The following TMTC2 variants were observed in gnomAD, a reference collection of about 807,000 sequenced individuals.
TMTC2 encodes the protein transmembrane O-mannosyltransferase targeting cadherins 2, also known as protein O-mannosyl-transferase TMTC2.
In TMTC2, 43 loss-of-function variants were observed where a neutral mutation model predicts 82.4. The ratio of observed to expected loss-of-function variants is 0.52; its 90% CI spans 0.41 to 0.67. The LOEUF is 0.67. TMTC2 is among the 30% of genes least tolerant of loss of function. The pLI, the probability that TMTC2 is intolerant of heterozygous loss-of-function variation, is 0.00. For missense variants in TMTC2, 919 were observed against 1,012.4 expected, an observed-to-expected ratio of 0.91 and a Z score of 1.25; for synonymous variants, 408 against 381.9, an observed-to-expected ratio of 1.07 and a Z score of -0.80.
At chr12:82,735,352 T>TC (rs1434719707) in intron 1 of TMTC2, among the ~76,000 whole-genome samples, 2 of 150,830 alleles carry the variant, frequency 1.3e-5, no homozygotes, top group African/African-American at 2.4e-5. Flanking sequence ...AATTTTGATT[T>TC]TTTTTTTTTT....
Position 82,965,687 on chromosome 12 carries a change from T to C in TMTC2, c.1812T>C (p.Ser604=). ...AGGACCCTCATGCACACAAGAGCTC[T>C]GTTACCAGTTGTTTGTACAACCTAG... ...NLKDPHAHKS[S]VTSCLYNLGK... Residue 604 remains serine, a synonymous_variant, in exon 6 of 12, where the codon TCT becomes TCC. Transcript: ENST00000321196. 6.2e-7 allele frequency: 1 copy of C among 1,613,852 alleles called. No homozygotes were observed. Among genetic ancestry groups the C allele is most frequent in the Non-Finnish European group, 8.5e-7 (1 of 1,179,816 alleles).
At chr12:83,002,631 T>A (rs1379571477) in intron 8 of TMTC2, among the ~76,000 whole-genome samples, 2 of 152,166 alleles carry the variant, frequency 1.3e-5, no homozygotes, top group Non-Finnish European at 2.9e-5. Context: ...TTCAATTTTT[T>A]ATTTCTGTCT....
intron 1 of TMTC2, among the ~76,000 whole-genome samples, chr12:82,793,871 C>A (rs1878580196): frequency 6.6e-6 from 1 of 152,144 alleles, no homozygotes; most frequent in Admixed American, 6.5e-5. Context: ...ACCTCTGAAC[C>A]AATTAGCATA....
chr12:82,822,276 A>G (rs1202794727), intron 1 of TMTC2, among the ~76,000 whole-genome samples: 2 of 152,160 alleles, frequency 1.3e-5, no homozygotes, highest in Non-Finnish European at 2.9e-5. Context: ...ACGAAGAATG[A>G]ACTGTAAGGT....
At chr12:82,744,721 C>T (rs1875597319) in intron 1 of TMTC2, among the ~76,000 whole-genome samples, 1 of 152,028 alleles carries the variant, frequency 6.6e-6, no homozygotes, top group Admixed American at 6.6e-5. Context: ...GATTTCTTTG[C>T]ATGGAATTAT....
In TMTC2 at chr12:82,866,288, C is replaced by G. The variant is rs376964022; in HGVS notation, c.654+8708C>G. On this transcript the variant is annotated intron_variant, in intron 2 of 11. Coordinates refer to ENST00000321196, the MANE Select transcript of TMTC2 (RefSeq NM_152588.3). ...ACAAAAAACTTTCTTTCTCCTGTGT[C>G]CCTTCTCCCAACCTTGATGAACAAT... Among the ~76,000 whole-genome samples, 9 of 150,846 alleles carry G rather than the reference C, an allele frequency of 6.0e-5. No homozygotes were observed. In the East Asian group the frequency reaches 1.4e-3, roughly 23 times the overall value.
At chr12:82,976,982 G>A (rs1418632761) in intron 7 of TMTC2, among the ~76,000 whole-genome samples, 1 of 151,922 alleles carries the variant, frequency 6.6e-6, no homozygotes, top group Non-Finnish European at 1.5e-5. Context: ...AAGCTTTCTG[G>A]ACTTAGGTTG....
At chr12:82,879,530 T>G (rs1210827216) in intron 2 of TMTC2, among the ~76,000 whole-genome samples, 1 of 152,204 alleles carries the variant, frequency 6.6e-6, no homozygotes, top group African/African-American at 2.4e-5. Flanking sequence ...CCTCCTGCTG[T>G]GTGGCTCAGT....
chr12:83,027,135 A>T (rs980276955), intron 8 of TMTC2, among the ~76,000 whole-genome samples: 1 of 152,110 alleles, frequency 6.6e-6, no homozygotes, highest in Non-Finnish European at 1.5e-5. Flanking sequence ...AGACATGTCA[A>T]CCAGTAAACA....
chr12:82,884,521 A>G (rs1872991453), intron 2 of TMTC2, among the ~76,000 whole-genome samples: 1 of 152,174 alleles, frequency 6.6e-6, no homozygotes, highest in African/African-American at 2.4e-5. Flanking sequence ...TTTCTTTGCT[A>G]GCAGTTTTCA....
intron 1 of TMTC2, among the ~76,000 whole-genome samples, chr12:82,842,710 C>G (rs1000320739): frequency 6.6e-6 from 1 of 152,128 alleles, no homozygotes; most frequent in Non-Finnish European, 1.5e-5. Flanking sequence ...ATGGTGTCAG[C>G]AGGTTTGGTT....
chr12:82,876,048 G>GTATTCATAA (rs1214359820), intron 2 of TMTC2, among the ~76,000 whole-genome samples: 2 of 119,640 alleles, frequency 1.7e-5, no homozygotes, highest in African/African-American at 3.7e-5. Context: ...GGTGGTGGTG[G>GTATTCATAA]TGGTGGTGGT....
In TMTC2 at chr12:82,687,045, GGA is replaced by G. The variant is rs1872336805; in HGVS notation, c.-540_-539del. On this transcript the variant is annotated 5_prime_UTR_variant, in exon 1 of 12. The change abolishes the stop of an existing upstream ORF in the 5' untranslated region. Coordinates refer to ENST00000321196, the MANE Select transcript of TMTC2 (RefSeq NM_152588.3). Reference sequence around the variant, plus strand: ...ATGTGCAGCAGCTGCCTTGGCGGCCGGAGTCCGCCCGAGCGACACCGGAGCAG... The same window carrying G: ...ATGTGCAGCAGCTGCCTTGGCGGCCGGTCCGCCCGAGCGACACCGGAGCAG... The G allele has an allele frequency of 6.2e-6, 1 of 160,904 alleles. No individual in the cohort carries two copies. Among genetic ancestry groups the G allele is most frequent in the Non-Finnish European group, 1.4e-5 (1 of 72,636 alleles). 10.0% of individuals were successfully genotyped at this position (160,904 alleles called of 1,614,324 possible).
chr12:82,730,252 G>T (rs6539683), intron 1 of TMTC2, among the ~76,000 whole-genome samples: 4 of 143,184 alleles, frequency 2.8e-5, no homozygotes, highest in Non-Finnish European at 4.5e-5. Flanking sequence ...CCAAGATTGC[G>T]CTACTGCACT....
At chr12:83,094,665 A>G (rs1405136343) in intron 11 of TMTC2, among the ~76,000 whole-genome samples, 2 of 152,188 alleles carry the variant, frequency 1.3e-5, no homozygotes, top group African/African-American at 4.8e-5. Flanking sequence ...GGAGGGAAGA[A>G]AAGGTATATT....
rs941807453 is a variant in TMTC2 at position 82,871,620 on chromosome 12, C to T, written c.654+14040C>T. 5.3e-5 allele frequency among the ~76,000 whole-genome samples: 8 copies of T among 150,952 alleles called. No individual in the cohort carries two copies. In the East Asian group the frequency reaches 1.4e-3, roughly 26 times the overall value. ...CAAGTGTCAAAAAAATTAATTTAGC[C>T]TGGTTAGGGAAGAGTCAAGAGAGTG... On this transcript the variant is annotated intron_variant, in intron 2 of 11. Transcript: ENST00000321196.
intron 9 of TMTC2, among the ~76,000 whole-genome samples, chr12:83,049,430 T>G (rs1265592073): frequency 1.3e-5 from 2 of 152,168 alleles, no homozygotes; most frequent in African/African-American, 4.8e-5. Context: ...TTTCTGTTCC[T>G]GTGTTAGTTT....
rs142332192 is a variant in TMTC2, at chr12:82,958,209, A to G, written c.1599-6815A>G. Among the ~76,000 whole-genome samples, 7 of 152,100 alleles carry G rather than the reference A, an allele frequency of 4.6e-5. No homozygotes were observed. The East Asian group carries it at 1.4e-3, about 30-fold the overall frequency. ...TAGACCTCATCTCTACTAAAAATCA[A>G]AAAGTTTACCCAGGTGTGGTAGCGC... On this transcript the variant is annotated intron_variant, in intron 4 of 11. Transcript: ENST00000321196.
intron 2 of TMTC2, among the ~76,000 whole-genome samples, chr12:82,882,201 G>A (rs533688103): frequency 6.6e-6 from 1 of 151,230 alleles, no homozygotes; most frequent in Non-Finnish European, 1.5e-5. Context: ...GGGTTTCACC[G>A]TTTTAGCCGG....
Sources: gnomAD v4.1 joint callset for allele counts (sites outside exome capture counted in the v4.1 genomes callset) on GRCh38, gnomAD v4.1.1 for gene constraint, MANE v1.5 for transcripts, NCBI Gene and HGNC (gene_info 2026-07-23, HGNC 2026-07-21) for gene names.